MAP3K5: variants seen among roughly 807,000 people sequenced by gnomAD.
MAP3K5 encodes mitogen-activated protein kinase kinase kinase 5, also known as ASK-1.
Under a neutral mutation model 158.7 loss-of-function variants are expected in MAP3K5, and 56 were observed. The ratio of observed to expected loss-of-function variants is 0.35; its 90% CI spans 0.28 to 0.44. MAP3K5 has a LOEUF of 0.44. Among genes scored for constraint, MAP3K5 ranks in the 20% least tolerant of loss-of-function variants. The pLI is 1.00. For missense variants in MAP3K5, 1,294 were observed against 1,674.8 expected (o/e 0.77, Z 3.97); for synonymous variants, 579 against 601.7 (o/e 0.96, Z 0.55).
intron 1 of MAP3K5, among the ~76,000 whole-genome samples, chr6:136,777,696 T>A (rs1457839494): frequency 6.6e-6 from 1 of 152,232 alleles, no homozygotes; most frequent in Non-Finnish European, 1.5e-5. Context: ...CATTAGAACA[T>A]GTTTTATGTA....
chr6:136,673,594 C>A (rs1225786936), intron 7 of MAP3K5, among the ~76,000 whole-genome samples: 2 of 151,526 alleles, frequency 1.3e-5, no homozygotes, highest in Non-Finnish European at 2.9e-5. Flanking sequence ...CATACAATAC[C>A]TGAAAACAAT....
intron 21 of MAP3K5, among the ~76,000 whole-genome samples, chr6:136,594,435 G>A (rs2282857): frequency 0.11 from 16,260 of 152,124 alleles, 1,924 homozygotes; most frequent in African/African-American, 0.27. Flanking sequence ...TGGGGGGAAC[G>A]GACTTTAGAA....
intron 1 of MAP3K5, among the ~76,000 whole-genome samples, chr6:136,758,281 C>T (rs1783594359): frequency 6.6e-6 from 1 of 152,288 alleles, no homozygotes; most frequent in African/African-American, 2.4e-5. Flanking sequence ...AAAAAAATTA[C>T]ATAACAAAGC....
At chr6:136,600,783 T>C (rs1775839634) in intron 21 of MAP3K5, among the ~76,000 whole-genome samples, 1 of 152,118 alleles carries the variant, frequency 6.6e-6, no homozygotes, top group South Asian at 2.1e-4. Flanking sequence ...ACCATCTTGC[T>C]TTTAGGGAGA....
intron 21 of MAP3K5, among the ~76,000 whole-genome samples, chr6:136,593,093 T>C (rs1359482023): frequency 6.6e-6 from 1 of 152,152 alleles, no homozygotes; most frequent in Non-Finnish European, 1.5e-5. Flanking sequence ...CAGGTTCCAA[T>C]CCTGTTATAC....
chr6:136,651,935 A>C (rs573390905), intron 10 of MAP3K5, among the ~76,000 whole-genome samples: 132 of 152,240 alleles, frequency 8.7e-4, no homozygotes, highest in African/African-American at 3.1e-3. Flanking sequence ...TTCCTGGCCC[A>C]AATTTCCTAG....
chr6:136,703,035 TA>T (rs1485504742), intron 3 of MAP3K5, among the ~76,000 whole-genome samples: 1 of 152,082 alleles, frequency 6.6e-6, no homozygotes, highest in South Asian at 2.1e-4. Flanking sequence ...TCTTTTTTTT[TA>T]AAAAAACCTC....
At chr6:136,772,098 TG>T (rs376876887) in intron 1 of MAP3K5, among the ~76,000 whole-genome samples, 6,461 of 99,830 alleles carry the variant, frequency 0.065, 278 homozygotes, top group African/African-American at 0.15. Context: ...TTAGTAGAAA[TG>T]GGGGGGGGGG....
chr6:136,783,228 G>A (rs1435993551), intron 1 of MAP3K5, among the ~76,000 whole-genome samples: 1 of 148,904 alleles, frequency 6.7e-6, no homozygotes, highest in Admixed American at 6.7e-5. Flanking sequence ...AGTTGGAGCC[G>A]AAATCATGCC....
chr6:136,570,536 C>G (rs1455910335), intron 25 of MAP3K5, among the ~76,000 whole-genome samples: 1 of 152,212 alleles, frequency 6.6e-6, no homozygotes, highest in Non-Finnish European at 1.5e-5. Context: ...AGTCAACAAT[C>G]TAAAGAGAAC....
chr6:136,777,740 C>T (rs1032093161), intron 1 of MAP3K5, among the ~76,000 whole-genome samples: 4 of 152,122 alleles, frequency 2.6e-5, no homozygotes, highest in Non-Finnish European at 5.9e-5. Flanking sequence ...GCATTGACAA[C>T]GCATCTACTA....
At chr6:136,685,628 C>T (rs979062747) in intron 7 of MAP3K5, among the ~76,000 whole-genome samples, 1 of 152,120 alleles carries the variant, frequency 6.6e-6, no homozygotes, top group Non-Finnish European at 1.5e-5. Context: ...CTTAAACTTT[C>T]CATGATCAGT....
chr6:136,565,013 G>A (rs770244242), intron 26 of MAP3K5, among the ~76,000 whole-genome samples: 1 of 152,168 alleles, frequency 6.6e-6, no homozygotes, highest in African/African-American at 2.4e-5. Flanking sequence ...GAATCTCTCT[G>A]AATCTGCTGT....
At chr6:136,742,405 T>C (rs1782747856) in intron 1 of MAP3K5, among the ~76,000 whole-genome samples, 1 of 150,480 alleles carries the variant, frequency 6.6e-6, no homozygotes, top group Non-Finnish European at 1.5e-5. Context: ...CAACAAACGG[T>C]GCTGGAACAA....
chr6:136,792,083 G>T lies in MAP3K5; in HGVS notation c.75C>A (p.Pro25=). 1 of 1,578,294 alleles carries T rather than the reference G, an allele frequency of 6.3e-7. No homozygotes were observed. Among genetic ancestry groups the T allele is most frequent in the South Asian group, 1.1e-5 (1 of 87,868 alleles). Residue 25 remains proline (P), a synonymous_variant, in exon 1 of 30, where the codon CCC becomes CCA. Transcript: ENST00000359015. This position sits in a 1 kb window ranked among gnomAD's most constrained non-coding sequence, Gnocchi z 5.7. ...CTCCCCTCCTGCAGATGCCGCCCTC[G>T]GGGATGGTGCAGAAGCCCGAGGGGG... The part of the protein sequence containing the change: ...PFAPSGFCTI[P]EGGICRRGGA...
rs746469927 is a variant in MAP3K5, at chr6:136,697,240, T to C, written c.954A>G (p.Leu318=). ...VLTADIVINL[L]LSYRDIQDYD... ...TCACCTGGATATCTCTGTAGGAAAG[T>C]AACAGATTTATGACAATATCTGCTG... Residue 318 remains leucine (L), a synonymous_variant, in exon 5 of 30, where the codon TTA becomes TTG. Coordinates refer to ENST00000359015, the MANE Select transcript of MAP3K5 (RefSeq NM_005923.4). The C allele has an allele frequency of 6.2e-7, 1 of 1,613,088 alleles. No individual in the cohort carries two copies. Among genetic ancestry groups the C allele is most frequent in the South Asian group, 1.1e-5 (1 of 90,844 alleles).
intron 23 of MAP3K5, among the ~76,000 whole-genome samples, chr6:136,587,787 G>C (rs1351677186): frequency 6.6e-6 from 1 of 152,190 alleles, no homozygotes; most frequent in Non-Finnish European, 1.5e-5. Flanking sequence ...GTCCCCTAAG[G>C]CATGCCCTCT....
chr6:136,647,822 G>A (rs1037252507), intron 11 of MAP3K5: 1 of 152,300 alleles, frequency 6.6e-6, no homozygotes, highest in Non-Finnish European at 1.5e-5. Context: ...AAGCCTTCTC[G>A]AAGGACTCCA....
chr6:136,597,567 C>T (rs963745880), intron 21 of MAP3K5, among the ~76,000 whole-genome samples: 1 of 152,196 alleles, frequency 6.6e-6, no homozygotes, highest in Admixed American at 6.5e-5. Flanking sequence ...TGACAAGAAT[C>T]ATCTGGGTTT....
Sources: gnomAD v4.1 joint callset for allele counts (sites outside exome capture counted in the v4.1 genomes callset) on GRCh38, gnomAD v4.1.1 for gene constraint, Gnocchi (gnomAD v3.1) non-coding constraint, MANE v1.5 for transcripts, NCBI Gene and HGNC (gene_info 2026-07-23, HGNC 2026-07-21) for gene names.